RC3H2: variants seen among roughly 807,000 people sequenced by gnomAD.
The protein encoded by RC3H2 is roquin-2.
A neutral mutation model predicts 133.3 loss-of-function variants in RC3H2; 31 were observed. The observed-to-expected ratio is 0.23, with a 90% CI of 0.17 to 0.31. RC3H2 has a LOEUF of 0.31. RC3H2 is among the 10% of genes least tolerant of loss of function. The pLI is 1.00. For synonymous variants in RC3H2, 517 were observed against 502.2 expected, an observed-to-expected ratio of 1.03 and a Z score of -0.40; for missense variants, 1,175 against 1,437.2, an observed-to-expected ratio of 0.82 and a Z score of 2.95.
intron 14 of RC3H2, 144 bp from the exon 15 acceptor site, chr9:122,855,541 G>T: frequency 1.1e-6 from 1 of 937,110 alleles, no homozygotes; most frequent in Non-Finnish European, 1.6e-6. Flanking sequence ...CAAACTACCA[G>T]TAAACCACCA....
intron 9 of RC3H2, among the ~76,000 whole-genome samples, chr9:122,876,900 T>G (rs1029626833): frequency 1.3e-5 from 2 of 152,192 alleles, no homozygotes; most frequent in Non-Finnish European, 2.9e-5. Flanking sequence ...TGCTTTACCA[T>G]TTTGCCTGAG....
At chr9:122,876,799 T>G (rs1355249803) in intron 9 of RC3H2, among the ~76,000 whole-genome samples, 1 of 151,424 alleles carries the variant, frequency 6.6e-6, no homozygotes, top group African/African-American at 2.4e-5. Flanking sequence ...TAAAGGGACA[T>G]AGAAAAAGGG....
intron 18 of RC3H2, 113 bp from the exon 19 acceptor site, chr9:122,851,549 C>T (rs1012483735): frequency 9.4e-5 from 130 of 1,383,314 alleles, no homozygotes; most frequent in Non-Finnish European, 1.1e-4. Flanking sequence ...CATGCCGAGC[C>T]GAAGCTGGAC....
At chr9:122,850,712 C>T (rs1035282316) in intron 20 of RC3H2, among the ~76,000 whole-genome samples, 2 of 152,162 alleles carry the variant, frequency 1.3e-5, no homozygotes, top group African/African-American at 4.8e-5. Context: ...GCTGGGATTA[C>T]AGCCATGAGC....
At chr9:122,897,699 G>T in intron 1 of RC3H2, 123 bp from the exon 2 acceptor site, 1 of 663,242 alleles carries the variant, frequency 1.5e-6, no homozygotes, top group South Asian at 2.4e-5. Context: ...TATAACCTTT[G>T]GATGTCTTTT....
At chr9:122,866,528 C>T (rs1190938186) in intron 9 of RC3H2, among the ~76,000 whole-genome samples, 3 of 151,804 alleles carry the variant, frequency 2.0e-5, no homozygotes, top group Non-Finnish European at 2.9e-5. Context: ...CCTCAGCCTG[C>T]GGAGTGCCTG....
In RC3H2 at chr9:122,859,993, C is replaced by T. The variant is rs374224144; in HGVS notation, c.1773G>A (p.Pro591=). ...PFLTRVPVYP[P]HSENIQYFQD... Reference sequence around the variant, plus strand: ...GAAAATACTGAATGTTTTCAGAATGCGGAGGATATACTGGTACTCTAGTTA... The same window carrying T: ...GAAAATACTGAATGTTTTCAGAATGTGGAGGATATACTGGTACTCTAGTTA... Residue 591 remains proline, a synonymous_variant, in exon 11 of 21, where the codon CCG becomes CCA. Coordinates refer to ENST00000357244, the MANE Select transcript of RC3H2 (RefSeq NM_001100588.3). The T allele has an allele frequency of 1.1e-4, 176 of 1,613,902 alleles. 1 individual carries two copies. Among genetic ancestry groups the T allele is most frequent in the East Asian group, 1.0e-3 (45 of 44,878 alleles).
At position 122,855,340 on chromosome 9, in the gene RC3H2, T is replaced by A. The variant is rs777776300; in HGVS notation, c.2659A>T (p.Thr887Ser). ...GGAATTATTGGATCTTCTTCTTTTG[T>A]CCTTCTCTGGGTTTCAAATAAATGT... Reference protein sequence around the residue: ...RVHLFETQRRTKEEDPIIPFS... With the variant: ...RVHLFETQRRSKEEDPIIPFS... Residue 887 changes from threonine to serine, a missense_variant, in exon 15 of 21, where the codon ACA becomes TCA. By Grantham distance (58) the Thr-to-Ser change is moderately conservative. Coordinates refer to ENST00000357244, the MANE Select transcript of RC3H2 (RefSeq NM_001100588.3). 1 of 1,614,104 alleles carries A rather than the reference T, an allele frequency of 6.2e-7. No homozygotes were observed. Among genetic ancestry groups the A allele is most frequent in the South Asian group, 1.1e-5 (1 of 91,088 alleles).
At chr9:122,889,611 T>C (rs1371597360) in intron 4 of RC3H2, among the ~76,000 whole-genome samples, 2 of 152,116 alleles carry the variant, frequency 1.3e-5, no homozygotes, top group Non-Finnish European at 2.9e-5. Context: ...ATAACACTAA[T>C]CATAAATAAT....
intron 4 of RC3H2, among the ~76,000 whole-genome samples, chr9:122,885,969 C>G (rs558343492): frequency 1.1e-4 from 16 of 152,318 alleles, no homozygotes; most frequent in African/African-American, 3.6e-4. Flanking sequence ...CTCACTGCAA[C>G]CTCCGCCTCC....
chr9:122,885,254 G>A (rs574249627), intron 4 of RC3H2, among the ~76,000 whole-genome samples: 1 of 152,264 alleles, frequency 6.6e-6, no homozygotes, highest in East Asian at 1.9e-4. Context: ...AGAAGAGAGG[G>A]AAAGAATAAC....
intron 3 of RC3H2, among the ~76,000 whole-genome samples, chr9:122,892,010 A>G (rs1832198160): frequency 6.6e-6 from 1 of 152,248 alleles, no homozygotes; most frequent in African/African-American, 2.4e-5. Context: ...TGCATACATG[A>G]AGCTGTCTTA....
Position 122,883,193 on chromosome 9 carries a change from T to G in RC3H2, c.759+11A>C. The G allele has an allele frequency of 6.2e-7, 1 of 1,609,006 alleles. No individual in the cohort carries two copies. Among genetic ancestry groups the G allele is most frequent in the Non-Finnish European group, 8.5e-7 (1 of 1,178,254 alleles). ...AACAGGCATGTCTTTACATAGATAC[T>G]TACTGCTTACCTTAAAACAAGAAGC... On this transcript the variant is annotated intron_variant, in intron 5 of 20. Transcript: ENST00000357244.
At chr9:122,875,071 T>C (rs1176045137) in intron 9 of RC3H2, 2 of 1,218,608 alleles carry the variant, frequency 1.6e-6, no homozygotes, top group Non-Finnish European at 1.1e-6. Context: ...ATGGACAAGC[T>C]GAATGTATTT....
intron 1 of RC3H2, among the ~76,000 whole-genome samples, chr9:122,903,060 T>A (rs1222170139): frequency 1.3e-5 from 2 of 152,148 alleles, no homozygotes; most frequent in Non-Finnish European, 1.5e-5. Flanking sequence ...AATCTTCAAC[T>A]GTCACATGTG....
intron 20 of RC3H2, 88 bp downstream of exon 20, chr9:122,850,993 C>T: frequency 2.1e-6 from 3 of 1,447,750 alleles, no homozygotes; most frequent in Non-Finnish European, 2.8e-6. Context: ...CTTCCCCTCA[C>T]AGCATAAAGC....
intron 6 of RC3H2, 90 bp from the exon 7 acceptor site, chr9:122,880,215 GT>G (rs1564306329): frequency 7.2e-7 from 1 of 1,380,228 alleles, no homozygotes; most frequent in East Asian, 2.3e-5. Context: ...TATTTAATAC[GT>G]TTTCAAGTGT....
intron 18 of RC3H2, among the ~76,000 whole-genome samples, chr9:122,851,829 C>T (rs1260789798): frequency 6.6e-6 from 1 of 151,994 alleles, no homozygotes; most frequent in Admixed American, 6.5e-5. Context: ...AGTGCAGTGG[C>T]GTGATCTCGG....
rs746780143 is a variant in RC3H2 at position 122,897,268 on chromosome 9, T to C, written c.231+11A>G. The C allele has an allele frequency of 2.5e-6, 4 of 1,613,336 alleles. No individual in the cohort carries two copies. The highest frequency in any genetic ancestry group is 2.2e-5 in the South Asian group (2 of 91,028). ...TTTGCACCAACCTATAGTAAAATCT[T>C]GAATGCTTACCTGGGCTCCAACTAA... On this transcript the variant is annotated intron_variant, in intron 2 of 20. Coordinates refer to ENST00000357244, the MANE Select transcript of RC3H2 (RefSeq NM_001100588.3).
Sources: gnomAD v4.1 joint callset for allele counts (sites outside exome capture counted in the v4.1 genomes callset) on GRCh38, gnomAD v4.1.1 for gene constraint, MANE v1.5 for transcripts, NCBI Gene and HGNC (gene_info 2026-07-23, HGNC 2026-07-21) for gene names.